The following FBXL13 variants were observed in gnomAD, a reference collection of about 807,000 sequenced individuals.
FBXL13 encodes F-box and leucine rich repeat protein 13, also known as F-box and leucine-rich repeat protein 13.
A neutral mutation model predicts 83.6 loss-of-function variants in FBXL13; 67 were observed. The observed-to-expected ratio is 0.80, with a 90% CI of 0.66 to 0.98. The LOEUF (loss-of-function observed/expected upper bound fraction) is 0.98. Ranked by LOEUF, FBXL13 falls within the 50% of genes least tolerant of loss-of-function variation. The pLI is 0.00. For missense variants in FBXL13, 822 were observed against 866.5 expected, an observed-to-expected ratio of 0.95 and a Z score of 0.64; for synonymous variants, 272 against 299.5, an observed-to-expected ratio of 0.91 and a Z score of 0.95.
intron 2 of FBXL13, 88 bp from the exon 4 acceptor site, chr7:103,029,506 G>T: frequency 1.5e-6 from 1 of 653,312 alleles, no homozygotes; most frequent in Non-Finnish European, 2.4e-6. Context: ...GAAAAAGAGA[G>T]CAATGGATGC....
chr7:102,864,063 G>A lies in FBXL13; in HGVS notation c.1636-9203C>T, dbSNP rs1403384209. 2.6e-5 allele frequency among the ~76,000 whole-genome samples: 4 copies of A among 152,162 alleles called. 1 individual carries two copies. Among genetic ancestry groups the A allele is most frequent in the Admixed American group, 2.6e-4 (4 of 15,276 alleles). On this transcript the variant is annotated intron_variant, in intron 16 of 19. Coordinates refer to ENST00000313221, the Ensembl canonical transcript of FBXL13. ...AGTTATGTTTCTTGTGCACAAATCT[G>A]TCCTGCTCTCCTACTCAGAGTTCTT...
intron 6 of FBXL13, among the ~76,000 whole-genome samples, chr7:103,016,687 C>G (rs368185875): frequency 2.1e-4 from 32 of 152,186 alleles, no homozygotes; most frequent in African/African-American, 7.2e-4. Context: ...TATCCCGCGC[C>G]TGGCTCGGAG....
intron 16 of FBXL13, among the ~76,000 whole-genome samples, chr7:102,864,546 T>A (rs777838756): frequency 1.3e-5 from 2 of 152,114 alleles, no homozygotes; most frequent in Non-Finnish European, 2.9e-5. Context: ...TTTTTGTATT[T>A]TTAGTAGAGA....
intron 6 of FBXL13, among the ~76,000 whole-genome samples, chr7:103,024,127 A>C (rs1793545270): frequency 8.1e-6 from 1 of 124,132 alleles, no homozygotes. Flanking sequence ...CCTAAAATAA[A>C]AGTTAAAAAG....
At chr7:102,942,475 C>A in intron 8 of FBXL13, 1 of 602,864 alleles carries the variant, frequency 1.7e-6, no homozygotes, top group Non-Finnish European at 2.7e-6. Flanking sequence ...CTTTAAGAAA[C>A]AGACTAAAAC....
chr7:102,819,382 T>A (rs1466690475), intron 19 of FBXL13, among the ~76,000 whole-genome samples: 2 of 152,166 alleles, frequency 1.3e-5, no homozygotes, highest in African/African-American at 4.8e-5. Flanking sequence ...GTTGGTAGAA[T>A]GCCAGCCATA....
intron 2 of FBXL13, among the ~76,000 whole-genome samples, chr7:103,035,455 G>C (rs1023763644): frequency 2.6e-5 from 4 of 152,156 alleles, no homozygotes; most frequent in African/African-American, 9.7e-5. Context: ...CTGGGGAAGT[G>C]TTGTAGTAAA....
rs970318609 is a variant in FBXL13, at chr7:102,844,069, G to C, written c.1719+10708C>G. Among the ~76,000 whole-genome samples, 13 of 152,220 alleles carry C rather than the reference G, an allele frequency of 8.5e-5. 1 individual carries two copies. Among genetic ancestry groups the C allele is most frequent in the African/African-American group, 3.1e-4 (13 of 41,462 alleles). ...CACAAACCAGGCAGAAAACACAAGA[G>C]AGCAGATGAGGCTGAACCACTACCA... On this transcript the variant is annotated intron_variant, in intron 17 of 19. Transcript: ENST00000313221.
chr7:102,948,288 T>G (rs369990659), intron 8 of FBXL13, among the ~76,000 whole-genome samples: 1 of 151,876 alleles, frequency 6.6e-6, no homozygotes. Flanking sequence ...GGTCTCAAAC[T>G]CCTGACTTCA....
intron 8 of FBXL13, among the ~76,000 whole-genome samples, chr7:102,956,544 C>T (rs1170878154): frequency 1.3e-5 from 2 of 152,158 alleles, no homozygotes; most frequent in East Asian, 1.9e-4. Flanking sequence ...GGCAATCAGG[C>T]AAGAGAAAGA....
chr7:103,022,443 A>T (rs935918191), intron 6 of FBXL13, among the ~76,000 whole-genome samples: 2 of 152,126 alleles, frequency 1.3e-5, no homozygotes, highest in Admixed American at 6.5e-5. Context: ...ACAAACCTGC[A>T]CGTTGTGCAC....
intron 10 of FBXL13, among the ~76,000 whole-genome samples, chr7:102,915,767 C>T (rs565654759): frequency 5.7e-4 from 87 of 152,228 alleles, no homozygotes; most frequent in Admixed American, 1.2e-3. Context: ...AATATATGTG[C>T]TTCTTTATTA....
At chr7:103,007,234 A>T (rs1791083155) in intron 6 of FBXL13, among the ~76,000 whole-genome samples, 1 of 152,146 alleles carries the variant, frequency 6.6e-6, no homozygotes, top group African/African-American at 2.4e-5. Flanking sequence ...CACAGATCCA[A>T]GAAGCTCAAT....
At chr7:103,074,719 TCTC>T (rs1799493781), upstream of FBXL13, 1 of 1,289,650 alleles carries the variant, frequency 7.8e-7, no homozygotes, top group Non-Finnish European at 1.0e-6. Flanking sequence ...GGAATGTAGT[TCTC>T]CTTGAAGTAG....
chr7:102,953,591 G>A (rs1320875309), intron 8 of FBXL13, among the ~76,000 whole-genome samples: 2 of 152,118 alleles, frequency 1.3e-5, no homozygotes, highest in Non-Finnish European at 2.9e-5. Context: ...AAATGGTCTA[G>A]AATTAAATAG....
intron 6 of FBXL13, among the ~76,000 whole-genome samples, chr7:103,014,494 A>G: frequency 6.6e-6 from 1 of 152,210 alleles, no homozygotes; most frequent in South Asian, 2.1e-4. Flanking sequence ...AAAATTGAGG[A>G]GGAGGAATGC....
At chr7:103,051,145 T>C (rs1394662247) in intron 2 of FBXL13, among the ~76,000 whole-genome samples, 1 of 152,220 alleles carries the variant, frequency 6.6e-6, no homozygotes, top group African/African-American at 2.4e-5. Flanking sequence ...TCAGGGTCTC[T>C]TGATTAACTG....
chr7:103,071,111 C>G (rs1193782253), intron 1 of FBXL13, among the ~76,000 whole-genome samples: 4 of 151,564 alleles, frequency 2.6e-5, no homozygotes, highest in African/African-American at 9.7e-5. Flanking sequence ...AATTAGTAAA[C>G]TTGAAAACCA....
At chr7:102,909,659 C>G (rs1814329465) in intron 11 of FBXL13, among the ~76,000 whole-genome samples, 1 of 152,084 alleles carries the variant, frequency 6.6e-6, no homozygotes, top group African/African-American at 2.4e-5. Context: ...CCCTTCTGGC[C>G]CAGAGTGTGT....
Sources: gnomAD v4.1 joint callset for allele counts (sites outside exome capture counted in the v4.1 genomes callset) on GRCh38, gnomAD v4.1.1 for gene constraint, MANE v1.5 for transcripts, NCBI Gene and HGNC (gene_info 2026-07-23, HGNC 2026-07-21) for gene names.